DGKG: variants seen among roughly 807,000 people sequenced by gnomAD.
DGKG encodes DAG kinase gamma.
In DGKG, 78 loss-of-function variants were observed where a neutral mutation model predicts 105.3. The ratio of observed to expected loss-of-function variants is 0.74; its 90% CI spans 0.62 to 0.89. The LOEUF (loss-of-function observed/expected upper bound fraction) is 0.89, where lower values mean the gene tolerates loss of function less well. DGKG is among the 40% of genes least tolerant of loss of function. The pLI, the probability that DGKG is intolerant of heterozygous loss-of-function variation, is 0.00. For synonymous variants in DGKG, 346 were observed against 367.1 expected (o/e 0.94, Z 0.66); for missense variants, 958 against 1,020.1 (o/e 0.94, Z 0.83).
intron 10 of DGKG, among the ~76,000 whole-genome samples, chr3:186,274,928 G>C (rs942012907): frequency 6.6e-6 from 1 of 152,136 alleles, no homozygotes; most frequent in African/African-American, 2.4e-5. Flanking sequence ...GGGTCAAATG[G>C]TATTTCTAGT....
At chr3:186,305,421 T>C (rs1724187015) in intron 3 of DGKG, among the ~76,000 whole-genome samples, 1 of 152,098 alleles carries the variant, frequency 6.6e-6, no homozygotes. Context: ...AAGGCTAATA[T>C]GCTGAAAAGG....
chr3:186,256,534 G>T (rs557683406), intron 17 of DGKG, among the ~76,000 whole-genome samples: 1 of 152,114 alleles, frequency 6.6e-6, no homozygotes, highest in South Asian at 2.1e-4. Flanking sequence ...TGATCTCCCC[G>T]CTTCTGCCCT....
chr3:186,342,055 T>G (rs897911343), intron 1 of DGKG, among the ~76,000 whole-genome samples: 1 of 152,158 alleles, frequency 6.6e-6, no homozygotes, highest in African/African-American at 2.4e-5. Flanking sequence ...CTGGGAGATA[T>G]ACCTAATGCT....
intron 1 of DGKG, among the ~76,000 whole-genome samples, chr3:186,347,206 T>C (rs1726378906): frequency 6.6e-6 from 1 of 152,074 alleles, no homozygotes; most frequent in African/African-American, 2.4e-5. Context: ...CCTAGCACTT[T>C]GGGAGGCCGA....
intron 20 of DGKG, among the ~76,000 whole-genome samples, chr3:186,220,603 C>T (rs946626816): frequency 6.6e-6 from 1 of 152,118 alleles, no homozygotes. Context: ...TGGGTTTACT[C>T]ACATCTACCA....
chr3:186,258,068 G>A lies in DGKG; in HGVS notation c.1425-129C>T, dbSNP rs1252516903. ...ACCTCGATTCCTTTTGTGGTTGAAAGGGTCACTCAATGTTCTGAAACCAGA... is the reference window on the plus strand; with the variant it reads ...ACCTCGATTCCTTTTGTGGTTGAAAAGGTCACTCAATGTTCTGAAACCAGA... On this transcript the variant is annotated intron_variant, in intron 16 of 24. Transcript: ENST00000265022. 1.3e-5 allele frequency: 9 copies of A among 713,546 alleles called. No homozygotes were observed. The Admixed American group carries it at 2.0e-4, about 16-fold the overall frequency. 44.2% of individuals were successfully genotyped at this position (713,546 alleles called of 1,614,324 possible). A position where few individuals can be genotyped will look rare whatever the true frequency, so the allele number is the denominator to read the frequency against.
intron 24 of DGKG, chr3:186,159,641 C>T (rs1030645886): frequency 2.0e-5 from 3 of 152,164 alleles, no homozygotes; most frequent in African/African-American, 7.2e-5. Flanking sequence ...TGAATCACTT[C>T]TTAGTTGGTG....
chr3:186,199,405 C>G (rs969876592), intron 21 of DGKG, among the ~76,000 whole-genome samples: 2 of 152,106 alleles, frequency 1.3e-5, no homozygotes, highest in Non-Finnish European at 2.9e-5. Flanking sequence ...TTAATCCACA[C>G]GTATGTTATA....
intron 22 of DGKG, among the ~76,000 whole-genome samples, chr3:186,167,720 A>G (rs1185433390): frequency 6.6e-6 from 1 of 152,160 alleles, no homozygotes; most frequent in Non-Finnish European, 1.5e-5. Flanking sequence ...ACTGACTAGT[A>G]TTTAAGATGG....
intron 1 of DGKG, among the ~76,000 whole-genome samples, chr3:186,327,390 CT>C (rs36076414): frequency 0.28 from 38,016 of 135,696 alleles, 5,821 homozygotes; most frequent in African/African-American, 0.45. Flanking sequence ...TTTTCTTCTT[CT>C]TTTTTTTTTT....
rs146280905 is a variant in DGKG, at chr3:186,323,290, T to A, written c.-248-2583A>T. On this transcript the variant is annotated intron_variant, in intron 1 of 24. Coordinates refer to ENST00000265022, the MANE Select transcript of DGKG (RefSeq NM_001346.3). ...GCCATCGTGCCAGGGAATCTAGCAT[T>A]GCAACCACTGTCACCGCTGCTGCTG... is the stretch of plus-strand genomic sequence containing the variant. Among the ~76,000 whole-genome samples, 1,457 of 152,334 alleles carry A rather than the reference T, an allele frequency of 9.6e-3. 24 individuals are homozygous for A. The highest frequency in any genetic ancestry group is 0.032 in the African/African-American group (1,322 of 41,576).
intron 2 of DGKG, among the ~76,000 whole-genome samples, chr3:186,312,236 A>G (rs1724591431): frequency 6.6e-6 from 1 of 151,744 alleles, no homozygotes; most frequent in African/African-American, 2.4e-5. Flanking sequence ...TTCAAAAGTG[A>G]ATCTGAAAAT....
Position 186,211,829 on chromosome 3 carries a change from G to T in DGKG, c.1883C>A (p.Thr628Asn), listed in dbSNP as rs755725819. Reference protein sequence around the residue: ...EFGTSETFAATCKKLHDHIEL... With the variant: ...EFGTSETFAANCKKLHDHIEL... ...AATGTGGTCGTGGAGTTTCTTGCAG[G>T]TCGCTGCAAAAGTCTCCGAGGTGCC... Residue 628 changes from threonine to asparagine, a missense_variant, in exon 21 of 25, where the codon ACC (threonine) becomes AAC (asparagine). Around this residue, in one of 2 missense-constraint regions of DGKG, gnomAD observed 315 missense variants for 400.6 expected, o/e 0.79. Coordinates refer to ENST00000265022, the MANE Select transcript of DGKG (RefSeq NM_001346.3). 6.8e-6 allele frequency: 11 copies of T among 1,614,146 alleles called. No homozygotes were observed. The highest frequency in any genetic ancestry group is 2.2e-5 in the East Asian group (1 of 44,884).
At chr3:186,304,590 G>A (rs1219331624) in intron 3 of DGKG, among the ~76,000 whole-genome samples, 1 of 152,208 alleles carries the variant, frequency 6.6e-6, no homozygotes, top group East Asian at 1.9e-4. Flanking sequence ...TTCATAAAAG[G>A]ACTCAGGAGC....
At chr3:186,355,693 T>C (rs11706956) in intron 1 of DGKG, among the ~76,000 whole-genome samples, 77,540 of 150,904 alleles carry the variant, frequency 0.51, 19,958 homozygotes, top group East Asian at 0.66. Flanking sequence ...TACCCCATTA[T>C]CACCATCACC....
At chr3:186,197,503 G>GGGACTTACCTAAGTCC in intron 21 of DGKG, among the ~76,000 whole-genome samples, 1 of 152,180 alleles carries the variant, frequency 6.6e-6, no homozygotes, top group Non-Finnish European at 1.5e-5. Context: ...GCCACCCTGT[G>GGGACTTACCTAAGTCC]CAGCCCCCGG....
At chr3:186,295,306 T>C (rs1007849517) in intron 5 of DGKG, among the ~76,000 whole-genome samples, 27 of 151,884 alleles carry the variant, frequency 1.8e-4, no homozygotes, top group African/African-American at 6.0e-4. Context: ...ATCGAGATCA[T>C]CCTGGCCAAC....
chr3:186,163,331 A>G (rs917278346), intron 23 of DGKG, among the ~76,000 whole-genome samples: 1 of 152,134 alleles, frequency 6.6e-6, no homozygotes, highest in African/African-American at 2.4e-5. Flanking sequence ...AGAGAGATGA[A>G]GTCTTCTGAC....
intron 1 of DGKG, among the ~76,000 whole-genome samples, chr3:186,355,596 C>T (rs1458243668): frequency 1.3e-5 from 2 of 151,716 alleles, no homozygotes; most frequent in African/African-American, 2.4e-5. Context: ...CACCCCACCA[C>T]TACCACCACC....
Sources: gnomAD v4.1 joint callset for allele counts (sites outside exome capture counted in the v4.1 genomes callset) on GRCh38, gnomAD v4.1.1 for gene constraint, gnomAD v4.1.1 regional missense constraint, MANE v1.5 for transcripts, NCBI Gene and HGNC (gene_info 2026-07-23, HGNC 2026-07-21) for gene names.